SHC2: variants seen among roughly 807,000 people sequenced by gnomAD.
SHC2 encodes the protein SHC adaptor protein 2, also known as SHC-transforming protein 2.
Under a neutral mutation model 60.6 loss-of-function variants are expected in SHC2, and 62 were observed. The observed-to-expected ratio is 1.02, with a 90% CI of 0.83 to 1.26. The LOEUF is 1.26. SHC2 is among the 50% of genes most tolerant of loss of function. SHC2 has a pLI of 0.00. For missense variants in SHC2, 873 were observed against 822.2 expected (o/e 1.06, Z -0.76); for synonymous variants, 375 against 372.4 (o/e 1.01, Z -0.08).
chr19:419,775 C>T (rs1210639895), intron 11 of SHC2: 1 of 152,176 alleles, frequency 6.6e-6, no homozygotes, highest in African/African-American at 2.4e-5. Context: ...CAAAATCCAG[C>T]TGCATTTTTG....
At chr19:419,176 G>T in intron 11 of SHC2, 120 bp from the exon 12 acceptor site, 1 of 1,155,678 alleles carries the variant, frequency 8.7e-7, no homozygotes, top group Non-Finnish European at 1.2e-6. Context: ...ACGAGGGGCC[G>T]GACCAGGGAA....
At position 422,278 on chromosome 19, in the gene SHC2, CG is replaced by C; in HGVS notation, c.1487del (p.Ala496GlyfsTer59). On this transcript the variant is annotated frameshift_variant, in exon 11 of 13. Coordinates refer to ENST00000264554, the MANE Select transcript of SHC2 (RefSeq NM_012435.3). LOFTEE classifies it high-confidence loss of function. The surrounding 1 kb of genome is among the most constrained non-coding windows in gnomAD (Gnocchi z 5.0). ...CGTCAGCTCGAAGCATCCTCTCTGC[CG>C]CCCGGCGGCTCATCCGGCCGTGGTA... ...PWYHGRMSRR[A>X]AERMLRADGD... The C allele has an allele frequency of 1.9e-6, 3 of 1,612,406 alleles. No homozygotes were observed. Among genetic ancestry groups the C allele is most frequent in the Non-Finnish European group, 2.5e-6 (3 of 1,179,656 alleles).
chr19:460,827 G>T lies in SHC2; in HGVS notation c.170C>A (p.Ser57Ter). The stretch of plus-strand genomic sequence containing the variant: ...CTCGGGTTGGGGGTCCGCGCCCCCC[G>T]AGGCCCCAGCCGCCCGCGCCGCCGC... ...GPAAARAAGA[S>*]GGADPQPEPA... Residue 57 changes from serine (S) to a stop codon, truncating the protein, a stop_gained, in exon 1 of 13, where the codon TCG becomes TAG. Transcript: ENST00000264554. LOFTEE classifies it high-confidence loss of function. 1 of 980,164 alleles carries T rather than the reference G, an allele frequency of 1.0e-6. No individual in the cohort carries two copies. Among genetic ancestry groups the T allele is most frequent in the South Asian group, 4.5e-5 (1 of 21,980 alleles). 60.7% of individuals were successfully genotyped at this position (980,164 alleles called of 1,614,324 possible). A position where few individuals can be genotyped will look rare whatever the true frequency, so the allele number is the denominator to read the frequency against.
intron 7 of SHC2, among the ~76,000 whole-genome samples, chr19:435,539 G>A (rs1450838932): frequency 6.6e-6 from 1 of 152,222 alleles, no homozygotes; most frequent in Non-Finnish European, 1.5e-5. Flanking sequence ...ACCTGCACCT[G>A]CCCTCCCACC....
At chr19:435,598 C>T (rs150551495) in intron 7 of SHC2, among the ~76,000 whole-genome samples, 194 of 152,366 alleles carry the variant, frequency 1.3e-3, no homozygotes, top group African/African-American at 4.4e-3. Context: ...TAAATAGCTC[C>T]TTCTCCAAGG....
chr19:428,399 T>A (rs148505026), intron 9 of SHC2, among the ~76,000 whole-genome samples: 3 of 152,292 alleles, frequency 2.0e-5, no homozygotes, highest in Non-Finnish European at 4.4e-5. Flanking sequence ...AGGCCTGCAA[T>A]CAACGCAGAT....
chr19:429,447 C>G (rs1974508045), intron 9 of SHC2, among the ~76,000 whole-genome samples: 1 of 149,206 alleles, frequency 6.7e-6, no homozygotes, highest in South Asian at 2.1e-4. Flanking sequence ...GTATCTACAC[C>G]CAACGTGCAC....
intron 1 of SHC2, among the ~76,000 whole-genome samples, chr19:450,746 C>A (rs919068003): frequency 6.7e-6 from 1 of 150,342 alleles, no homozygotes; most frequent in Non-Finnish European, 1.5e-5. Context: ...TGGGTCACAG[C>A]CTCGTTTCTT....
chr19:439,898 C>T (rs1380980914), intron 2 of SHC2, among the ~76,000 whole-genome samples: 2 of 151,612 alleles, frequency 1.3e-5, no homozygotes, highest in Non-Finnish European at 2.9e-5. Flanking sequence ...TGGTGGTGGG[C>T]GCCTGTAGTC....
intron 11 of SHC2, among the ~76,000 whole-genome samples, chr19:420,443 T>C (rs1974241455): frequency 6.6e-6 from 1 of 152,172 alleles, no homozygotes; most frequent in Non-Finnish European, 1.5e-5. Context: ...CTCCGAACCC[T>C]CTAGCACCTC....
Position 453,478 on chromosome 19 carries a change from C to T in SHC2, c.468+7051G>A, listed in dbSNP as rs535285150. ...GTAGAGACAGGGTTTCACCAAGCTG[C>T]CCAGGCTGGTCTCAAACTCCTGGGC... On this transcript the variant is annotated intron_variant, in intron 1 of 12. Transcript: ENST00000264554. The surrounding 1 kb of genome is among the most constrained non-coding windows in gnomAD (Gnocchi z 6.3). 6.6e-6 allele frequency among the ~76,000 whole-genome samples: 1 copy of T among 152,254 alleles called. No individual in the cohort carries two copies. The highest frequency in any genetic ancestry group is 6.5e-5 in the Admixed American group (1 of 15,292).
In SHC2 at chr19:436,364, T is replaced by TC. The variant is rs749738968; in HGVS notation, c.826+15dup. 6.6e-5 allele frequency: 106 copies of TC among 1,595,248 alleles called. No individual in the cohort carries two copies. The East Asian group carries it at 2.1e-3, about 31-fold the overall frequency. On this transcript the variant is annotated intron_variant, in intron 6 of 12. Transcript: ENST00000264554. Reference sequence around the variant, plus strand: ...CCCAGCCACAGGACCCCCACCGGCCTCCCCGGGGGCCTCACCTCTCTGGTT... The same window carrying TC: ...CCCAGCCACAGGACCCCCACCGGCCTCCCCCGGGGGCCTCACCTCTCTGGTT...
chr19:445,850 A>G lies in SHC2; in HGVS notation c.469-4918T>C, dbSNP rs958195110. On this transcript the variant is annotated intron_variant, in intron 1 of 12. Coordinates refer to ENST00000264554, the MANE Select transcript of SHC2 (RefSeq NM_012435.3). This position sits in a 1 kb window ranked among gnomAD's most constrained non-coding sequence, Gnocchi z 4.4. ...GGAGTTTGAGACTAGCCTGGCCAACATGGAGAAACCCCAACTCTACTGAAA... is the reference window on the plus strand; with the variant it reads ...GGAGTTTGAGACTAGCCTGGCCAACGTGGAGAAACCCCAACTCTACTGAAA... Among the ~76,000 whole-genome samples, 1 of 152,258 alleles carries G rather than the reference A, an allele frequency of 6.6e-6. No homozygotes were observed.
chr19:420,072 C>T (rs1191583557), intron 11 of SHC2, among the ~76,000 whole-genome samples: 1 of 152,200 alleles, frequency 6.6e-6, no homozygotes, highest in African/African-American at 2.4e-5. Flanking sequence ...TGCCTTTTAA[C>T]AAGGTACTGG....
rs746198285 is a variant in SHC2, at chr19:434,879, A to G, written c.954-14T>C. The G allele has an allele frequency of 2.5e-6, 4 of 1,606,486 alleles. No individual in the cohort carries two copies. In the East Asian group the frequency reaches 6.7e-5, roughly 27 times the overall value. ...GGCCCTGCCAGCCTGGGGGACAGACAACAACGGCCATGGCACAGGCAGGGC... is the reference window on the plus strand; with the variant it reads ...GGCCCTGCCAGCCTGGGGGACAGACGACAACGGCCATGGCACAGGCAGGGC... On this transcript the variant is annotated splice_polypyrimidine_tract_variant and intron_variant, in intron 7 of 12. Transcript: ENST00000264554.
intron 9 of SHC2, among the ~76,000 whole-genome samples, chr19:427,042 G>A (rs1045688385): frequency 1.6e-4 from 24 of 152,332 alleles, no homozygotes; most frequent in African/African-American, 4.1e-4. Context: ...CCCCCGGTCC[G>A]GGGTGAGCAG....
chr19:456,710 C>CTAGGTT (rs1975350886), intron 1 of SHC2, among the ~76,000 whole-genome samples: 1 of 132,848 alleles, frequency 7.5e-6, no homozygotes, highest in Non-Finnish European at 1.7e-5. Flanking sequence ...CTGTGCCCCC[C>CTAGGTT]CTAGAACTCT....
At chr19:444,931 G>A (rs140328060) in intron 1 of SHC2, among the ~76,000 whole-genome samples, 117 of 152,330 alleles carry the variant, frequency 7.7e-4, no homozygotes, top group African/African-American at 2.5e-3. Context: ...GGGTGGGAGG[G>A]TGACTGACCT....
At chr19:418,126 C>T (rs187627480) in intron 12 of SHC2, among the ~76,000 whole-genome samples, 15 of 152,148 alleles carry the variant, frequency 9.9e-5, no homozygotes, top group African/African-American at 3.1e-4. Context: ...TGGGTCCCCC[C>T]GGGCCCCGCA....
Sources: allele counts gnomAD v4.1 joint callset (sites outside exome capture counted in the v4.1 genomes callset), GRCh38; gene constraint gnomAD v4.1.1; non-coding constraint Gnocchi (gnomAD v3.1); transcripts MANE v1.5; gene names NCBI Gene and HGNC (gene_info 2026-07-23, HGNC 2026-07-21).